EZHIP: variants seen among roughly 807,000 people sequenced by gnomAD.
EZHIP encodes EZH inhibitory protein, also known as K27M-like inhibitor of PRC2.
For synonymous variants in EZHIP, 192 were observed against 86.5 expected, an observed-to-expected ratio of 2.22 and a Z score of -6.77; for missense variants, 428 against 204.2, an observed-to-expected ratio of 2.10 and a Z score of -6.68.
rs1924138828 is a variant in EZHIP at position 51,408,299 on chromosome X, G to T, written c.1283G>T (p.Ser428Ile). The change falls in exon 1 of 1, where the codon AGC becomes ATC. Residue 428 changes from serine to isoleucine, a missense_variant. By Grantham distance (142) the Ser-to-Ile change is moderately radical (BLOSUM62 -2). Coordinates refer to ENST00000342995, the MANE Select transcript of EZHIP (RefSeq NM_203407.3). ...CCCATCCCTCAGCAGTGGGATGAGA[G>T]CTCCTCCTCCTCCTATGCTTCCAAC... ...FLPIPQQWDESSSSSYASNSS... is the reference protein window; with the variant it reads ...FLPIPQQWDEISSSSYASNSS... The T allele has an allele frequency of 1.8e-6, 1 of 571,023 alleles. No homozygotes were observed. Among genetic ancestry groups the T allele is most frequent in the Non-Finnish European group, 3.2e-6 (1 of 309,534 alleles). 47.1% of individuals were successfully genotyped at this position (571,023 alleles called of 1,213,427 possible).
At position 51,408,200 on chromosome X, in the gene EZHIP, G is replaced by A. The variant is rs142840624; in HGVS notation, c.1184G>A (p.Arg395His). The A allele has an allele frequency of 1.6e-5, 9 of 569,164 alleles. No individual in the cohort carries two copies. The highest frequency in any genetic ancestry group is 4.5e-5 in the African/African-American group (2 of 44,903). 46.9% of individuals were successfully genotyped at this position (569,164 alleles called of 1,213,427 possible). Reference protein sequence around the residue: ...SGSPDPEVPSRASPPVWHAVR... With the variant: ...SGSPDPEVPSHASPPVWHAVR... ...TCTCCTGATCCTGAGGTCCCAAGCC[G>A]TGCTTCCCCGCCTGTTTGGCATGCA... Residue 395 changes from arginine (R) to histidine (H), a missense_variant, in exon 1 of 1, where the codon CGT (arginine) becomes CAT (histidine). Physicochemically the swap from Arg to His is conservative, Grantham distance 29. Coordinates refer to ENST00000342995, the MANE Select transcript of EZHIP (RefSeq NM_203407.3).
Position 51,407,239 on chromosome X carries a change from G to A in EZHIP, c.223G>A (p.Ala75Thr), listed in dbSNP as rs1557318628. ...AGSSAAAATS[A>T]AIFITDEASG... ...TTCTTCCGCTGCAGCCGCCACCTCC[G>A]CCGCCATTTTCATCACCGATGAGGC... Residue 75 changes from alanine (A) to threonine (T), a missense_variant, in exon 1 of 1, where the codon GCC becomes ACC. By Grantham distance (58) the Ala-to-Thr change is moderately conservative. Coordinates refer to ENST00000342995, the MANE Select transcript of EZHIP (RefSeq NM_203407.3). 2 of 570,555 alleles carry A rather than the reference G, an allele frequency of 3.5e-6. No individual in the cohort carries two copies. Among genetic ancestry groups the A allele is most frequent in the South Asian group, 2.2e-5 (1 of 44,849 alleles). The allele number at this position is 570,555 out of a possible 1,213,427, so 47.0% of individuals were successfully genotyped here.
Position 51,407,555 on chromosome X carries a change from G to A in EZHIP, c.539G>A (p.Arg180Gln), listed in dbSNP as rs116168267. Residue 180 changes from arginine to glutamine, a missense_variant, in exon 1 of 1, where the codon CGG becomes CAG. Coordinates refer to ENST00000342995, the MANE Select transcript of EZHIP (RefSeq NM_203407.3). ...TTGCCGCCATCTTCTCCAGGGTTCCGGCCCAGCAGCTATCCCTGTTCCGGG... is the reference window on the plus strand; with the variant it reads ...TTGCCGCCATCTTCTCCAGGGTTCCAGCCCAGCAGCTATCCCTGTTCCGGG... ...EPLPPSSPGF[R>Q]PSSYPCSGAS... is the part of the protein sequence containing the mutation. 3.1e-3 allele frequency: 1,697 copies of A among 550,937 alleles called. 14 individuals are homozygous for A. The African/African-American group carries it at 0.031, about 10-fold the overall frequency. The allele number at this position is 550,937 out of a possible 1,213,427, so 45.4% of individuals were successfully genotyped here.
rs782146853 is a variant in EZHIP at position 51,407,510 on chromosome X, G to A, written c.494G>A (p.Arg165Gln). The A allele has an allele frequency of 5.5e-6, 3 of 544,474 alleles. No individual in the cohort carries two copies. Among genetic ancestry groups the A allele is most frequent in the Non-Finnish European group, 1.0e-5 (3 of 295,683 alleles). 44.9% of individuals were successfully genotyped at this position (544,474 alleles called of 1,213,427 possible). A position where few individuals can be genotyped will look rare whatever the true frequency, so the allele number is the denominator to read the frequency against. ...GCCCCGGCTCAGAAGCCTCCAGGGCGGCGTCTGTTTCCTGAGCCTTTGCCG... is the reference window on the plus strand; with the variant it reads ...GCCCCGGCTCAGAAGCCTCCAGGGCAGCGTCTGTTTCCTGAGCCTTTGCCG... Reference protein sequence around the residue: ...QAAPAQKPPGRRLFPEPLPPS... With the variant: ...QAAPAQKPPGQRLFPEPLPPS... Residue 165 changes from arginine (R) to glutamine (Q), a missense_variant, in exon 1 of 1, where the codon CGG becomes CAG. Transcript: ENST00000342995.
In EZHIP at chrX:51,407,910, C is replaced by T. The variant is rs1246378838; in HGVS notation, c.894C>T (p.Val298=). 2 of 558,006 alleles carry T rather than the reference C, an allele frequency of 3.6e-6. No homozygotes were observed. Among genetic ancestry groups the T allele is most frequent in the Non-Finnish European group, 6.5e-6 (2 of 306,348 alleles). 46.0% of individuals were successfully genotyped at this position (558,006 alleles called of 1,213,427 possible). A position where few individuals can be genotyped will look rare whatever the true frequency, so the allele number is the denominator to read the frequency against. ...PARRGRDSAP[V]SAPRGRDSAP... The stretch of plus-strand genomic sequence containing the variant: ...GCCGAGGCCGCGATTCTGCGCCAGT[C>T]TCTGCCCCCCGAGGCCGCGATTCTG... Residue 298 remains valine, a synonymous_variant, in exon 1 of 1, where the codon GTC becomes GTT. Coordinates refer to ENST00000342995, the MANE Select transcript of EZHIP (RefSeq NM_203407.3).
chrX:51,407,937 G>C lies in EZHIP; in HGVS notation c.921G>C (p.Ala307=), dbSNP rs1390635778. Residue 307 remains alanine, a synonymous_variant, in exon 1 of 1, where the codon GCG becomes GCC. Coordinates refer to ENST00000342995, the MANE Select transcript of EZHIP (RefSeq NM_203407.3). ...CTGCCCCCCGAGGCCGCGATTCTGC[G>C]CCAGGCTCTGCCCGCCGAGGCCGCG... ...PVSAPRGRDS[A]PGSARRGRDS... 1.1e-5 allele frequency: 6 copies of C among 556,760 alleles called. No homozygotes were observed. The highest frequency in any genetic ancestry group is 1.6e-5 in the Non-Finnish European group (5 of 305,831). 45.9% of individuals were successfully genotyped at this position (556,760 alleles called of 1,213,427 possible). A position where few individuals can be genotyped will look rare whatever the true frequency, so the allele number is the denominator to read the frequency against.
At position 51,406,955 on chromosome X, in the gene EZHIP, C is replaced by T. The variant is rs1223581819; in HGVS notation, c.-62C>T. ...CACCCACCTTCTTGCTCTACCAGTT[C>T]GCGCTCTCCTCCGGCAGAAGTAGCA... On this transcript the variant is annotated 5_prime_UTR_variant, in exon 1 of 1. Transcript: ENST00000342995. 6 of 516,896 alleles carry T rather than the reference C, an allele frequency of 1.2e-5. No individual in the cohort carries two copies. The highest frequency in any genetic ancestry group is 7.5e-5 in the Admixed American group (3 of 39,977). The allele number at this position is 516,896 out of a possible 1,213,427, so 42.6% of individuals were successfully genotyped here. A position where few individuals can be genotyped will look rare whatever the true frequency, so the allele number is the denominator to read the frequency against.
Position 51,407,211 on chromosome X carries a change from C to A in EZHIP, c.195C>A (p.Ala65=), listed in dbSNP as rs782454278. ...SGGAALSSST[A]GSSAAAATSA... ...GCGCCGCCCTAAGCAGCAGCACAGC[C>A]GGTTCTTCCGCTGCAGCCGCCACCT... Residue 65 remains alanine, a synonymous_variant, in exon 1 of 1, where the codon GCC becomes GCA. Transcript: ENST00000342995. The A allele has an allele frequency of 1.8e-6, 1 of 570,452 alleles. No homozygotes were observed. The highest frequency in any genetic ancestry group is 2.2e-5 in the South Asian group (1 of 44,838). 47.0% of individuals were successfully genotyped at this position (570,452 alleles called of 1,213,427 possible).
rs782039713 is a variant in EZHIP at position 51,407,126 on chromosome X, G to A, written c.110G>A (p.Gly37Glu). Residue 37 changes from glycine (G) to glutamate (E), a missense_variant, in exon 1 of 1, where the codon GGG becomes GAG. Gly to Glu is a moderately conservative substitution (Grantham distance 98). Coordinates refer to ENST00000342995, the MANE Select transcript of EZHIP (RefSeq NM_203407.3). Reference sequence around the variant, plus strand: ...GCCTCCGGGGATGCCTGCGGGACCGGGAATCAAGATCCTGCTGCTTCCGTC... The same window carrying A: ...GCCTCCGGGGATGCCTGCGGGACCGAGAATCAAGATCCTGCTGCTTCCGTC... ...ALASGDACGT[G>E]NQDPAASVTT... 1 of 568,781 alleles carries A rather than the reference G, an allele frequency of 1.8e-6. No individual in the cohort carries two copies. Among genetic ancestry groups the A allele is most frequent in the South Asian group, 2.2e-5 (1 of 44,580 alleles). The allele number at this position is 568,781 out of a possible 1,213,427, so 46.9% of individuals were successfully genotyped here. A position where few individuals can be genotyped will look rare whatever the true frequency, so the allele number is the denominator to read the frequency against.
rs1353510493 is a variant in EZHIP, at chrX:51,407,467, C to A, written c.451C>A (p.Pro151Thr). Residue 151 changes from proline (P) to threonine (T), a missense_variant, in exon 1 of 1, where the codon CCC becomes ACC. Pro to Thr is a conservative substitution (Grantham distance 38, BLOSUM62 -1). Coordinates refer to ENST00000342995, the MANE Select transcript of EZHIP (RefSeq NM_203407.3). ...SPGNSRRRKQ[P>T]CRNQAAPAQK... Reference sequence around the variant, plus strand: ...CGGGAACAGCCGTCGTAGGAAGCAGCCCTGCCGCAACCAGGCTGCCCCGGC... The same window carrying A: ...CGGGAACAGCCGTCGTAGGAAGCAGACCTGCCGCAACCAGGCTGCCCCGGC... 1.9e-6 allele frequency: 1 copy of A among 534,744 alleles called. No individual in the cohort carries two copies. The highest frequency in any genetic ancestry group is 3.4e-6 in the Non-Finnish European group (1 of 291,462). 44.1% of individuals were successfully genotyped at this position (534,744 alleles called of 1,213,427 possible).
In EZHIP at chrX:51,407,970, G is replaced by A. The variant is rs781846745; in HGVS notation, c.954G>A (p.Ala318=). 3.0e-5 allele frequency: 17 copies of A among 564,283 alleles called. 1 individual carries two copies. The highest frequency in any genetic ancestry group is 6.5e-5 in the East Asian group (2 of 30,679). 46.5% of individuals were successfully genotyped at this position (564,283 alleles called of 1,213,427 possible). ...PGSARRGRDS[A]PGPALRVRTA... ...CTGCCCGCCGAGGCCGCGATTCTGCGCCAGGCCCTGCCCTTCGCGTCCGCA... is the reference window on the plus strand; with the variant it reads ...CTGCCCGCCGAGGCCGCGATTCTGCACCAGGCCCTGCCCTTCGCGTCCGCA... Residue 318 remains alanine, a synonymous_variant, in exon 1 of 1, where the codon GCG becomes GCA. Coordinates refer to ENST00000342995, the MANE Select transcript of EZHIP (RefSeq NM_203407.3).
In EZHIP at chrX:51,407,421, C is replaced by A. The variant is rs781888092; in HGVS notation, c.405C>A (p.His135Gln). The A allele has an allele frequency of 3.7e-6, 2 of 540,312 alleles. No homozygotes were observed. Among genetic ancestry groups the A allele is most frequent in the Non-Finnish European group, 6.8e-6 (2 of 294,939 alleles). The allele number at this position is 540,312 out of a possible 1,213,427, so 44.5% of individuals were successfully genotyped here. ...AGGCCACTGGCCACGCCGACGAGCA[C>A]CTGGCCCAGACCAAGAGCCCCGGGA... is the stretch of plus-strand genomic sequence containing the variant. ...PQKATGHADE[H>Q]LAQTKSPGNS... Residue 135 changes from histidine to glutamine, a missense_variant, in exon 1 of 1, where the codon CAC becomes CAA. Physicochemically the swap from His to Gln is conservative, Grantham distance 24. Coordinates refer to ENST00000342995, the MANE Select transcript of EZHIP (RefSeq NM_203407.3).
At position 51,408,240 on chromosome X, in the gene EZHIP, C is replaced by T; in HGVS notation, c.1224C>T (p.Ala408=). ...TTTGGCATGCAGTCCGTATGCGTGCCTCCTCACCCTCACCCCCTGGGAGGT... is the reference window on the plus strand; with the variant it reads ...TTTGGCATGCAGTCCGTATGCGTGCTTCCTCACCCTCACCCCCTGGGAGGT... ...PPVWHAVRMR[A]SSPSPPGRFF... is the part of the protein sequence containing the mutation. The change falls in exon 1 of 1, where the codon GCC becomes GCT. Residue 408 remains alanine, a synonymous_variant. Transcript: ENST00000342995. The T allele has an allele frequency of 1.8e-6, 1 of 571,057 alleles. No homozygotes were observed. The highest frequency in any genetic ancestry group is 2.2e-5 in the South Asian group (1 of 44,980). The allele number at this position is 571,057 out of a possible 1,213,427, so 47.1% of individuals were successfully genotyped here.
chrX:51,407,349 G>T lies in EZHIP; in HGVS notation c.333G>T (p.Gly111=), dbSNP rs371967977. The T allele has an allele frequency of 3.4e-4, 194 of 567,215 alleles. No individual in the cohort carries two copies. The Admixed American group carries it at 4.2e-3, about 12-fold the overall frequency. The allele number at this position is 567,215 out of a possible 1,213,427, so 46.7% of individuals were successfully genotyped here. The change falls in exon 1 of 1, where the codon GGG becomes GGT. Residue 111 remains glycine, a synonymous_variant. Transcript: ENST00000342995. The part of the protein sequence containing the change: ...QDCRSPHEVF[G]CVVPEGGSQA... ...GCCGCAGTCCTCACGAAGTTTTTGG[G>T]TGTGTGGTGCCCGAGGGGGGCAGCC...
rs782672540 is a variant in EZHIP, at chrX:51,407,636, C to T, written c.620C>T (p.Ser207Phe). Residue 207 changes from serine (S) to phenylalanine (F), a missense_variant, in exon 1 of 1, where the codon TCT becomes TTT. Coordinates refer to ENST00000342995, the MANE Select transcript of EZHIP (RefSeq NM_203407.3). ...QPGPALLSHA[S>F]EARPATRSRI... ...GGCCCTGCACTCCTAAGCCACGCAT[C>T]TGAGGCAAGGCCTGCTACCCGAAGC... The T allele has an allele frequency of 1.8e-6, 1 of 564,686 alleles. No individual in the cohort carries two copies. The highest frequency in any genetic ancestry group is 3.3e-6 in the Non-Finnish European group (1 of 306,278). The allele number at this position is 564,686 out of a possible 1,213,427, so 46.5% of individuals were successfully genotyped here.
rs1557318853 is a variant in EZHIP, at chrX:51,407,964, T to C, written c.948T>C (p.Asp316=). 1.8e-6 allele frequency: 1 copy of C among 561,986 alleles called. No individual in the cohort carries two copies. The highest frequency in any genetic ancestry group is 2.2e-5 in the South Asian group (1 of 44,498). The allele number at this position is 561,986 out of a possible 1,213,427, so 46.3% of individuals were successfully genotyped here. A position where few individuals can be genotyped will look rare whatever the true frequency, so the allele number is the denominator to read the frequency against. Residue 316 remains aspartate (D), a synonymous_variant, in exon 1 of 1, where the codon GAT becomes GAC. Transcript: ENST00000342995. ...SAPGSARRGR[D]SAPGPALRVR... ...CAGGCTCTGCCCGCCGAGGCCGCGA[T>C]TCTGCGCCAGGCCCTGCCCTTCGCG...
rs1557318954 is a variant in EZHIP at position 51,408,341 on chromosome X, G to C, written c.1325G>C (p.Arg442Thr). 5.3e-6 allele frequency: 3 copies of C among 571,018 alleles called. No homozygotes were observed. The highest frequency in any genetic ancestry group is 9.7e-6 in the Non-Finnish European group (3 of 309,538). The allele number at this position is 571,018 out of a possible 1,213,427, so 47.1% of individuals were successfully genotyped here. ...SYASNSSSPS[R>T]SPGLSPSSPS... is the part of the protein sequence containing the mutation. ...GCTTCCAACTCCTCCTCCCCGAGTAGGTCTCCTGGCCTAAGCCCCTCATCC... is the reference window on the plus strand; with the variant it reads ...GCTTCCAACTCCTCCTCCCCGAGTACGTCTCCTGGCCTAAGCCCCTCATCC... The change falls in exon 1 of 1, where the codon AGG becomes ACG. Residue 442 changes from arginine (R) to threonine (T), a missense_variant. Coordinates refer to ENST00000342995, the MANE Select transcript of EZHIP (RefSeq NM_203407.3).
Position 51,407,760 on chromosome X carries a change from C to T in EZHIP, c.744C>T (p.His248=), listed in dbSNP as rs1423968471. The change falls in exon 1 of 1, where the codon CAC becomes CAT. Residue 248 remains histidine, a synonymous_variant. Coordinates refer to ENST00000342995, the MANE Select transcript of EZHIP (RefSeq NM_203407.3). The part of the protein sequence containing the change: ...CTAQPGPAFP[H]RATHLDPARL... Reference sequence around the variant, plus strand: ...CCCAGCCAGGCCCTGCTTTTCCACACCGCGCCACTCATCTAGACCCTGCTC... The same window carrying T: ...CCCAGCCAGGCCCTGCTTTTCCACATCGCGCCACTCATCTAGACCCTGCTC... 7.1e-6 allele frequency: 4 copies of T among 565,439 alleles called. No individual in the cohort carries two copies. Among genetic ancestry groups the T allele is most frequent in the Non-Finnish European group, 1.3e-5 (4 of 307,741 alleles). The allele number at this position is 565,439 out of a possible 1,213,427, so 46.6% of individuals were successfully genotyped here.
rs201483750 is a variant in EZHIP at position 51,408,421 on chromosome X, C to G, written c.1405C>G (p.Leu469Val). 133 of 569,309 alleles carry G rather than the reference C, an allele frequency of 2.3e-4. No individual in the cohort carries two copies. The highest frequency in any genetic ancestry group is 1.4e-4 in the Non-Finnish European group (42 of 309,319). The allele number at this position is 569,309 out of a possible 1,213,427, so 46.9% of individuals were successfully genotyped here. A position where few individuals can be genotyped will look rare whatever the true frequency, so the allele number is the denominator to read the frequency against. The change falls in exon 1 of 1, where the codon CTT becomes GTT. Residue 469 changes from leucine to valine, a missense_variant. Coordinates refer to ENST00000342995, the MANE Select transcript of EZHIP (RefSeq NM_203407.3). ...RSISTPSPES[L>V]RYALMPEFYA... ...TATCTCCACTCCTAGCCCTGAAAGC[C>G]TTAGGTATGCTTTGATGCCTGAGTT...
Sources: allele counts gnomAD v4.1 joint callset, GRCh38; gene constraint gnomAD v4.1.1; transcripts MANE v1.5; gene names NCBI Gene and HGNC (gene_info 2026-07-23, HGNC 2026-07-21).